The following FRMD4B variants were observed in gnomAD, a reference collection of about 807,000 sequenced individuals.
The protein encoded by FRMD4B is FERM domain containing 4B.
A neutral mutation model predicts 141.5 loss-of-function variants in FRMD4B; 74 were observed. That is an observed-to-expected ratio of 0.52 (90% confidence interval 0.43 to 0.63). The LOEUF (loss-of-function observed/expected upper bound fraction) is 0.63, where lower values mean the gene tolerates loss of function less well. Ranked by LOEUF, FRMD4B falls within the 30% of genes least tolerant of loss-of-function variation. The pLI, the probability that FRMD4B is intolerant of heterozygous loss-of-function variation, is 0.00. For missense variants in FRMD4B, 1,366 were observed against 1,253.4 expected, an observed-to-expected ratio of 1.09 and a Z score of -1.36; for synonymous variants, 506 against 467.9, an observed-to-expected ratio of 1.08 and a Z score of -1.05.
rs957148023 is a variant in FRMD4B at position 69,378,237 on chromosome 3, C to T, written c.162+7591G>A. On this transcript the variant is annotated intron_variant, in intron 1 of 22. Coordinates refer to ENST00000398540, the MANE Select transcript of FRMD4B (RefSeq NM_015123.3). ...GGAACCAAATCTGTGTCAGCATTCACGCTGTTCTGTGGCAAGGCAGAATTG... is the reference window on the plus strand; with the variant it reads ...GGAACCAAATCTGTGTCAGCATTCATGCTGTTCTGTGGCAAGGCAGAATTG... Among the ~76,000 whole-genome samples the T allele has an allele frequency of 1.6e-4, 25 of 152,266 alleles. 1 individual carries two copies. Among genetic ancestry groups the T allele is most frequent in the Admixed American group, 9.8e-4 (15 of 15,292 alleles).
chr3:69,235,220 A>G (rs2093337878), intron 7 of FRMD4B, among the ~76,000 whole-genome samples: 1 of 150,610 alleles, frequency 6.6e-6, no homozygotes, highest in South Asian at 2.1e-4. Flanking sequence ...AGAAACTGTA[A>G]TCAACTCCTT....
intron 22 of FRMD4B, 27 bp from the exon 23 acceptor site, chr3:69,172,008 T>C (rs766147684): frequency 6.2e-7 from 1 of 1,610,386 alleles, no homozygotes; most frequent in South Asian, 1.1e-5. Flanking sequence ...GAAAAGTTAC[T>C]ACTTGTGGCC....
At chr3:69,523,912 G>A (rs901129832) in intron 1 of FRMD4B, among the ~76,000 whole-genome samples, 15 of 152,138 alleles carry the variant, frequency 9.9e-5, no homozygotes, top group African/African-American at 3.4e-4. Flanking sequence ...ATCCCTCTGT[G>A]AGGGATCAGA....
upstream of FRMD4B, among the ~76,000 whole-genome samples, chr3:69,388,542 T>C (rs1316206139): frequency 2.6e-5 from 4 of 152,090 alleles, no homozygotes; most frequent in Non-Finnish European, 5.9e-5. Flanking sequence ...GTATGGTGAT[T>C]AGGAGCTAAA....
intron 1 of FRMD4B, among the ~76,000 whole-genome samples, chr3:69,466,006 C>T (rs1253175824): frequency 6.6e-6 from 1 of 152,194 alleles, no homozygotes; most frequent in Non-Finnish European, 1.5e-5. Context: ...TGCATTCCCA[C>T]CAACAGTGTA....
At chr3:69,533,492 C>A (rs1701032961) in intron 1 of FRMD4B, among the ~76,000 whole-genome samples, 2 of 152,178 alleles carry the variant, frequency 1.3e-5, no homozygotes, top group African/African-American at 2.4e-5. Context: ...AAGTACTTGG[C>A]AAATGCCTGG....
intron 1 of FRMD4B, among the ~76,000 whole-genome samples, chr3:69,323,773 T>C (rs954778631): frequency 3.3e-5 from 5 of 151,652 alleles, no homozygotes; most frequent in African/African-American, 1.2e-4. Flanking sequence ...TACAAGGTCA[T>C]AGGGCCAGGA....
intron 1 of FRMD4B, among the ~76,000 whole-genome samples, chr3:69,364,807 C>CA (rs1247374769): frequency 6.6e-6 from 1 of 151,422 alleles, no homozygotes; most frequent in Non-Finnish European, 1.5e-5. Flanking sequence ...GCATCTAAGA[C>CA]AAAAAAGAAA....
chr3:69,365,908 T>C (rs1047503211), intron 1 of FRMD4B, among the ~76,000 whole-genome samples: 2 of 152,088 alleles, frequency 1.3e-5, no homozygotes, highest in East Asian at 1.9e-4. Context: ...ATGGTTACTG[T>C]AGCATTGTCT....
At chr3:69,185,300 C>T (rs910664046) in intron 19 of FRMD4B, among the ~76,000 whole-genome samples, 17 of 67,924 alleles carry the variant, frequency 2.5e-4, no homozygotes, top group African/African-American at 8.0e-4. Flanking sequence ...GACTCCGTCT[C>T]AAAAAAAAAA....
intron 1 of FRMD4B, among the ~76,000 whole-genome samples, chr3:69,339,215 C>T (rs1486597801): frequency 3.3e-5 from 5 of 151,932 alleles, no homozygotes; most frequent in African/African-American, 1.2e-4. Flanking sequence ...GAAAATGAAA[C>T]TTAATGTTAA....
chr3:69,300,748 T>C (rs1237551342), intron 4 of FRMD4B, among the ~76,000 whole-genome samples: 1 of 152,208 alleles, frequency 6.6e-6, no homozygotes, highest in East Asian at 1.9e-4. Flanking sequence ...TTTTTGTTTT[T>C]GTTTTTTGGC....
chr3:69,401,786 C>T (rs999249709), intron 2 of FRMD4B, among the ~76,000 whole-genome samples: 7 of 152,042 alleles, frequency 4.6e-5, no homozygotes, highest in Admixed American at 2.0e-4. Context: ...TGGACTCAAG[C>T]GATCTGCCTG....
intron 6 of FRMD4B, 149 bp downstream of exon 6, chr3:69,249,894 A>G: frequency 1.5e-6 from 1 of 650,982 alleles, no homozygotes; most frequent in South Asian, 1.8e-5. Context: ...AAAGCAGAAG[A>G]CGGTGGCGCA....
At chr3:69,493,669 G>C (rs1050700542) in intron 1 of FRMD4B, among the ~76,000 whole-genome samples, 1 of 151,698 alleles carries the variant, frequency 6.6e-6, no homozygotes. Context: ...CTCTTGATTT[G>C]CTTACTTCTT....
rs775305636 is a variant in FRMD4B, at chr3:69,485,089, C to G, written c.-128-52328G>C. ...CAGGCCAGCTCCCAGCTGTCCTCAA[C>G]CCCCCTCAACTTCCCCTCCCCTGCT... is the stretch of plus-strand genomic sequence containing the variant. On this transcript the variant is annotated intron_variant, in intron 1 of 5. Transcript: ENST00000459638. Among the ~76,000 whole-genome samples, 6 of 152,206 alleles carry G rather than the reference C, an allele frequency of 3.9e-5. No homozygotes were observed. The South Asian group carries it at 1.2e-3, about 31-fold the overall frequency.
At chr3:69,443,637 AAG>A (rs898387004) in intron 1 of FRMD4B, among the ~76,000 whole-genome samples, 3 of 152,210 alleles carry the variant, frequency 2.0e-5, no homozygotes, top group African/African-American at 7.2e-5. Flanking sequence ...TTATGACAGT[AAG>A]AGAAATCTGA....
intron 5 of FRMD4B, among the ~76,000 whole-genome samples, chr3:69,276,918 T>C (rs2093620521): frequency 6.6e-6 from 1 of 152,184 alleles, no homozygotes; most frequent in Non-Finnish European, 1.5e-5. Context: ...TGAGCCGAGA[T>C]TGTGCCACTG....
At chr3:69,424,398 A>T (rs1371822488) in intron 2 of FRMD4B, among the ~76,000 whole-genome samples, 2 of 152,186 alleles carry the variant, frequency 1.3e-5, no homozygotes, top group Non-Finnish European at 2.9e-5. Flanking sequence ...GACTCAAGCG[A>T]TCTTCCCGCT....
Sources: allele counts gnomAD v4.1 joint callset (sites outside exome capture counted in the v4.1 genomes callset), GRCh38; gene constraint gnomAD v4.1.1; transcripts MANE v1.5; gene names NCBI Gene and HGNC (gene_info 2026-07-23, HGNC 2026-07-21).